Variants in HERC5 observed in about 807,000 individuals in gnomAD.
HERC5 encodes the protein HECT and RLD domain containing E3 ubiquitin protein ligase 5.
In HERC5, 99 loss-of-function variants were observed where a neutral mutation model predicts 119.6. The observed-to-expected ratio is 0.83, with a 90% CI of 0.70 to 0.98. The LOEUF is 0.98. Ranked by LOEUF, HERC5 falls within the 50% of genes least tolerant of loss-of-function variation. The probability of loss-of-function intolerance (pLI) is 0.00; values close to 1 mark genes in which losing one functional copy is unlikely to be tolerated. For missense variants in HERC5, 1,267 were observed against 1,241.3 expected (o/e 1.02, Z -0.31); for synonymous variants, 478 against 445.9 (o/e 1.07, Z -0.91).
chr4:88,484,413 A>G (rs999706432), intron 13 of HERC5, among the ~76,000 whole-genome samples: 2 of 152,200 alleles, frequency 1.3e-5, no homozygotes, highest in Admixed American at 1.3e-4. Context: ...CTTTCTTCGC[A>G]GAGAATTTTC....
intron 16 of HERC5, among the ~76,000 whole-genome samples, chr4:88,491,564 A>G (rs532702930): frequency 1.2e-4 from 19 of 152,334 alleles, no homozygotes; most frequent in Middle Eastern, 3.4e-3. Flanking sequence ...GGAAAAGGAC[A>G]TGATCAGAAG....
chr4:88,489,168 T>TA lies in HERC5; in HGVS notation c.1971dup (p.His658ThrfsTer2), dbSNP rs1193830521. 8 of 1,600,208 alleles carry TA rather than the reference T, an allele frequency of 5.0e-6. No homozygotes were observed. Among genetic ancestry groups the TA allele is most frequent in the Non-Finnish European group, 6.8e-6 (8 of 1,175,768 alleles). On this transcript the variant is annotated frameshift_variant, in exon 16 of 23. Transcript: ENST00000264350. LOFTEE classifies it high-confidence loss of function. ...TATTTCTGTTTCTGTTTTCCTAGAG[T>TA]AAAAAACATAAAGCTTATCTTAGGT...
intron 9 of HERC5, among the ~76,000 whole-genome samples, chr4:88,470,178 ATAAT>A (rs1284192307): frequency 1.3e-5 from 2 of 152,252 alleles, no homozygotes; most frequent in Non-Finnish European, 2.9e-5. Flanking sequence ...CAGAGCATAA[ATAAT>A]TAAGAACTGT....
At chr4:88,463,655 T>G (rs769850557) in intron 5 of HERC5, 32 bp downstream of exon 5, 2 of 1,568,658 alleles carry the variant, frequency 1.3e-6, no homozygotes, top group African/African-American at 1.4e-5. Flanking sequence ...TTTGGCTGTA[T>G]TTTTAGAAGA....
intron 20 of HERC5, among the ~76,000 whole-genome samples, 166 bp from the exon 21 acceptor site, chr4:88,504,066 C>CAAAAAAAAAAA (rs1301930381): frequency 7.0e-5 from 8 of 113,658 alleles, no homozygotes; most frequent in African/African-American, 2.5e-4. Flanking sequence ...GACTCCGTCT[C>CAAAAAAAAAAA]AAAAAAAAAA....
At chr4:88,457,914 A>G (rs1740238739) in intron 1 of HERC5, 1 of 1,022,740 alleles carries the variant, frequency 9.8e-7, no homozygotes, top group Non-Finnish European at 1.2e-6. Flanking sequence ...CACTGCTCCA[A>G]CTTTGGGAGT....
chr4:88,459,370 A>G lies in HERC5; in HGVS notation c.289A>G (p.Met97Val), dbSNP rs1269977486. ...AGAATGCATTAAATTAGGAAAAAAC[A>G]TGAAGATACATTCCGTGGACCAAGG... ...TPKCIKLGKNMKIHSVDQGAE... is the reference protein window; with the variant it reads ...TPKCIKLGKNVKIHSVDQGAE... Residue 97 changes from methionine (M) to valine (V), a missense_variant, in exon 2 of 23, where the codon ATG (methionine) becomes GTG (valine). Around this residue, in one of 3 missense-constraint regions of HERC5, gnomAD observed 777 missense variants for 758.0 expected, o/e 1.03. Coordinates refer to ENST00000264350, the MANE Select transcript of HERC5 (RefSeq NM_016323.4). 6.3e-7 allele frequency: 1 copy of G among 1,586,866 alleles called. No homozygotes were observed. The highest frequency in any genetic ancestry group is 1.9e-5 in the Admixed American group (1 of 53,142).
chr4:88,492,510 G>T (rs1030506201), intron 16 of HERC5, among the ~76,000 whole-genome samples: 2 of 151,846 alleles, frequency 1.3e-5, no homozygotes, highest in African/African-American at 4.8e-5. Context: ...TTGGGAGGCT[G>T]AGGTGGGTGG....
At chr4:88,500,281 G>T (rs982111633) in intron 19 of HERC5, among the ~76,000 whole-genome samples, 2 of 152,194 alleles carry the variant, frequency 1.3e-5, no homozygotes, top group African/African-American at 4.8e-5. Flanking sequence ...CCAGTCACTG[G>T]CAGGCTGGTT....
intron 20 of HERC5, 41 bp from the exon 21 acceptor site, chr4:88,504,191 G>T: frequency 7.5e-7 from 1 of 1,337,246 alleles, no homozygotes; most frequent in Non-Finnish European, 1.1e-6. Context: ...TTTTGTTCAG[G>T]ATATTGCAGT....
rs1406555119 is a variant in HERC5 at position 88,470,692 on chromosome 4, TAATTGTATTA to T, written c.1298+31_1298+40del. 2 of 1,130,454 alleles carry T rather than the reference TAATTGTATTA, an allele frequency of 1.8e-6. No individual in the cohort carries two copies. Among genetic ancestry groups the T allele is most frequent in the Non-Finnish European group, 2.6e-6 (2 of 755,098 alleles). 70.0% of individuals were successfully genotyped at this position (1,130,454 alleles called of 1,614,324 possible). On this transcript the variant is annotated intron_variant, in intron 10 of 22. Transcript: ENST00000264350. ...GGAAAAGGTAATATATGTAATAAAT[TAATTGTATTA>T]AATTGTATTAAGAGTACCGTGAAAG...
intron 6 of HERC5, among the ~76,000 whole-genome samples, chr4:88,465,721 A>G (rs1329925810): frequency 6.6e-6 from 1 of 152,218 alleles, no homozygotes; most frequent in Non-Finnish European, 1.5e-5. Flanking sequence ...AATTCACTGG[A>G]AAGACTCACG....
chr4:88,458,667 A>G (rs146793069), intron 1 of HERC5, among the ~76,000 whole-genome samples: 25 of 152,268 alleles, frequency 1.6e-4, no homozygotes, highest in East Asian at 7.7e-4. Context: ...AATAGATTCT[A>G]TTTCATTAGC....
At chr4:88,497,081 G>A (rs1741815758) in intron 18 of HERC5, among the ~76,000 whole-genome samples, 1 of 152,140 alleles carries the variant, frequency 6.6e-6, no homozygotes, top group Admixed American at 6.6e-5. Flanking sequence ...CAAGCCTCCA[G>A]AACCGTGAGC....
Position 88,504,480 on chromosome 4 carries a change from T to C in HERC5, c.2767-15T>C. ...TTCCTATTTCCTCAATAACTTTTTT[T>C]TGTATTTTCTCTAGAATGCACGTTA... On this transcript the variant is annotated splice_polypyrimidine_tract_variant and intron_variant, in intron 21 of 22. Transcript: ENST00000264350. The C allele has an allele frequency of 2.5e-6, 4 of 1,570,968 alleles. No individual in the cohort carries two copies. The highest frequency in any genetic ancestry group is 2.6e-6 in the Non-Finnish European group (3 of 1,157,680).
Position 88,486,215 on chromosome 4 carries a change from G to A in HERC5, c.1838G>A (p.Trp613Ter). ...FFVEVCRRYL[W>*]KMTVDASENV... ...GTAGAAGTATGCAGAAGGTACTTGT[G>A]GAAAATGACTGTGGTAGGTATAGCA... Residue 613 changes from tryptophan to a stop codon, truncating the protein, a stop_gained, in exon 14 of 23, where the codon TGG becomes TAG. Coordinates refer to ENST00000264350, the MANE Select transcript of HERC5 (RefSeq NM_016323.4). LOFTEE classifies it high-confidence loss of function. The A allele has an allele frequency of 6.3e-7, 1 of 1,599,416 alleles. No homozygotes were observed. The highest frequency in any genetic ancestry group is 8.6e-7 in the Non-Finnish European group (1 of 1,167,862).
At chr4:88,468,925 G>A (rs1740770461) in intron 8 of HERC5, among the ~76,000 whole-genome samples, 3 of 152,178 alleles carry the variant, frequency 2.0e-5, no homozygotes, top group Admixed American at 6.5e-5. Flanking sequence ...ATAAAGTGCT[G>A]AGTGTTGAGT....
rs867257381 is a variant in HERC5 at position 88,501,358 on chromosome 4, G to A, written c.2582+373G>A. ...TGATAGTGAATGCGGCAGGGACTTG[G>A]TATGTATTCTTCACCGCTGTATATT... On this transcript the variant is annotated intron_variant, in intron 20 of 22. Transcript: ENST00000264350. Among the ~76,000 whole-genome samples, 5 of 152,228 alleles carry A rather than the reference G, an allele frequency of 3.3e-5. No homozygotes were observed. In the South Asian group the frequency reaches 8.3e-4, roughly 25 times the overall value.
Position 88,462,299 on chromosome 4 carries a change from A to G in HERC5, c.631A>G (p.Asn211Asp). The change falls in exon 4 of 23, where the codon AAC becomes GAC. Residue 211 changes from asparagine to aspartate, a missense_variant. Around this residue, in one of 3 missense-constraint regions of HERC5, gnomAD observed 777 missense variants for 758.0 expected, o/e 1.03. Transcript: ENST00000264350. ...AHSMALSMSGNIYSWGKNECG... is the reference protein window; with the variant it reads ...AHSMALSMSGDIYSWGKNECG... ...CAGCATGGCCTTATCCATGTCTGGC[A>G]ACATTTATTCATGGGGAAAAAATGA... 6.2e-7 allele frequency: 1 copy of G among 1,614,238 alleles called. No individual in the cohort carries two copies. Among genetic ancestry groups the G allele is most frequent in the Non-Finnish European group, 8.5e-7 (1 of 1,180,052 alleles).
Sources: allele counts gnomAD v4.1 joint callset (sites outside exome capture counted in the v4.1 genomes callset), GRCh38; gene constraint gnomAD v4.1.1; regional missense constraint gnomAD v4.1.1; transcripts MANE v1.5; gene names NCBI Gene and HGNC (gene_info 2026-07-23, HGNC 2026-07-21).